Variants in TMPRSS11F observed in about 807,000 individuals in gnomAD.
TMPRSS11F encodes transmembrane serine protease 11F.
TMPRSS11F carries 47 observed loss-of-function variants against 60.2 expected under a neutral mutation model. The observed-to-expected ratio is 0.78, with a 90% CI of 0.62 to 1.00. The LOEUF is 1.00. Ranked by LOEUF, TMPRSS11F falls within the 50% of genes least tolerant of loss-of-function variation. The probability of loss-of-function intolerance (pLI) is 0.00; values close to 1 mark genes in which losing one functional copy is unlikely to be tolerated. For missense variants in TMPRSS11F, 519 were observed against 522.9 expected (o/e 0.99, Z 0.07); for synonymous variants, 166 against 167.3 (o/e 0.99, Z 0.06).
chr4:68,080,488 G>A (rs192456868), intron 3 of TMPRSS11F: 37 of 152,356 alleles, frequency 2.4e-4, no homozygotes, highest in African/African-American at 8.2e-4. Context: ...CCAGAGAATT[G>A]TCCTTGTCTG....
At chr4:68,092,357 G>A (rs1035745300) in intron 2 of TMPRSS11F, among the ~76,000 whole-genome samples, 3 of 152,050 alleles carry the variant, frequency 2.0e-5, no homozygotes, top group Non-Finnish European at 2.9e-5. Flanking sequence ...TGTTTTACTT[G>A]GCTGAGATAG....
chr4:68,084,746 T>A (rs1195669895), intron 3 of TMPRSS11F, among the ~76,000 whole-genome samples: 3 of 151,996 alleles, frequency 2.0e-5, no homozygotes, highest in African/African-American at 4.8e-5. Flanking sequence ...TCTTTTTTTT[T>A]ATTATACTTT....
At chr4:68,101,722 A>G (rs963771831) in intron 1 of TMPRSS11F, among the ~76,000 whole-genome samples, 30 of 152,160 alleles carry the variant, frequency 2.0e-4, no homozygotes, top group African/African-American at 7.2e-4. Context: ...TATTGTGCAT[A>G]TTTAAAGGAT....
rs1723389555 is a variant in TMPRSS11F, at chr4:68,068,822, G to A, written c.554-3C>T. On this transcript the variant is annotated splice_polypyrimidine_tract_variant and splice_region_variant and intron_variant, in intron 6 of 9. Coordinates refer to ENST00000356291, the MANE Select transcript of TMPRSS11F (RefSeq NM_207407.2). ...AGATGTCATCCTTATTCCACAGCCT[G>A]CCACAGAAATACATGATCATTCATA... 6.2e-7 allele frequency: 1 copy of A among 1,613,614 alleles called. No homozygotes were observed. Among genetic ancestry groups the A allele is most frequent in the South Asian group, 1.1e-5 (1 of 91,070 alleles).
chr4:68,090,405 AC>A (rs1443969352), intron 3 of TMPRSS11F, 117 bp downstream of exon 3: 3 of 1,382,154 alleles, frequency 2.2e-6, no homozygotes, highest in Non-Finnish European at 2.8e-6. Flanking sequence ...TGACTTACAT[AC>A]TATAGTATCT....
intron 3 of TMPRSS11F, among the ~76,000 whole-genome samples, chr4:68,085,063 C>CTCATCAT (rs1333159059): frequency 7.8e-6 from 1 of 128,812 alleles, no homozygotes; most frequent in Non-Finnish European, 1.6e-5. Flanking sequence ...AGGACATGAA[C>CTCATCAT]TCATCATTTT....
At chr4:68,075,198 C>T (rs1003793015) in intron 3 of TMPRSS11F, among the ~76,000 whole-genome samples, 14 of 152,098 alleles carry the variant, frequency 9.2e-5, no homozygotes, top group Non-Finnish European at 1.8e-4. Flanking sequence ...ACTTTACCTC[C>T]TAAATGTTAA....
At chr4:68,059,783 A>T (rs562185895) in intron 8 of TMPRSS11F, among the ~76,000 whole-genome samples, 2 of 152,294 alleles carry the variant, frequency 1.3e-5, no homozygotes, top group African/African-American at 4.8e-5. Flanking sequence ...GGTTCATAAC[A>T]TTGATCTTGT....
At chr4:68,059,595 T>G (rs1723114919) in intron 8 of TMPRSS11F, 127 bp from the exon 9 acceptor site, 1 of 921,200 alleles carries the variant, frequency 1.1e-6, no homozygotes, top group Non-Finnish European at 1.6e-6. Context: ...GCTATCATCT[T>G]ATTTTCTGTC....
At chr4:68,083,756 T>C (rs1024425836) in intron 3 of TMPRSS11F, among the ~76,000 whole-genome samples, 1 of 152,178 alleles carries the variant, frequency 6.6e-6, no homozygotes, top group Non-Finnish European at 1.5e-5. Flanking sequence ...GCAAGAACTC[T>C]GGCAATTCAA....
chr4:68,085,194 T>C (rs990180210), intron 3 of TMPRSS11F, among the ~76,000 whole-genome samples: 10 of 148,344 alleles, frequency 6.7e-5, no homozygotes, highest in Non-Finnish European at 4.5e-5. Context: ...GCAATAAACA[T>C]ACGTGTGCAT....
intron 1 of TMPRSS11F, among the ~76,000 whole-genome samples, chr4:68,110,022 G>A (rs1026762554): frequency 2.0e-5 from 3 of 152,122 alleles, no homozygotes; most frequent in Non-Finnish European, 4.4e-5. Flanking sequence ...AGCCTTGGGG[G>A]GAAATTCTTT....
intron 1 of TMPRSS11F, among the ~76,000 whole-genome samples, chr4:68,107,811 C>T (rs1724333509): frequency 6.6e-6 from 1 of 152,142 alleles, no homozygotes; most frequent in African/African-American, 2.4e-5. Flanking sequence ...GTAGCACTTG[C>T]CTGTAGTCCC....
chr4:68,095,865 C>G (rs1239931694), intron 2 of TMPRSS11F, among the ~76,000 whole-genome samples: 1 of 117,670 alleles, frequency 8.5e-6, no homozygotes, highest in African/African-American at 3.3e-5. Flanking sequence ...CATTGCACTA[C>G]AGGCTAGGCA....
At chr4:68,099,398 C>T (rs796843037) in intron 1 of TMPRSS11F, among the ~76,000 whole-genome samples, 43 of 152,250 alleles carry the variant, frequency 2.8e-4, no homozygotes, top group African/African-American at 9.9e-4. Context: ...GCATGTTGTA[C>T]AAGTAGCAAC....
rs1405635181 is a variant in TMPRSS11F at position 68,068,959 on chromosome 4, T to C, written c.554-140A>G. 3 of 817,648 alleles carry C rather than the reference T, an allele frequency of 3.7e-6. No homozygotes were observed. The East Asian group carries it at 7.9e-5, about 22-fold the overall frequency. The allele number at this position is 817,648 out of a possible 1,614,324, so 50.6% of individuals were successfully genotyped here. On this transcript the variant is annotated intron_variant, in intron 6 of 9. Transcript: ENST00000356291. ...GCACTCAGCCTTTGAGCTTATTTGA[T>C]ACAGGTCTTGCTGATCCTACTGAGG...
At chr4:68,102,485 C>T (rs1724213613) in intron 1 of TMPRSS11F, among the ~76,000 whole-genome samples, 1 of 152,082 alleles carries the variant, frequency 6.6e-6, no homozygotes, top group Non-Finnish European at 1.5e-5. Flanking sequence ...ACATTTGTTA[C>T]CTTTTGACTT....
At chr4:68,112,138 T>C (rs1724419833) in intron 1 of TMPRSS11F, among the ~76,000 whole-genome samples, 1 of 152,224 alleles carries the variant, frequency 6.6e-6, no homozygotes, top group Non-Finnish European at 1.5e-5. Flanking sequence ...ACACACTCCA[T>C]AGCATGAACT....
At chr4:68,095,305 A>T (rs1724049509) in intron 2 of TMPRSS11F, among the ~76,000 whole-genome samples, 1 of 152,008 alleles carries the variant, frequency 6.6e-6, no homozygotes, top group Non-Finnish European at 1.5e-5. Context: ...TCCAGAGAGA[A>T]CTCTTTGAAA....
Sources: allele counts gnomAD v4.1 joint callset (sites outside exome capture counted in the v4.1 genomes callset), GRCh38; gene constraint gnomAD v4.1.1; transcripts MANE v1.5; gene names NCBI Gene and HGNC (gene_info 2026-07-23, HGNC 2026-07-21).